NRXN1: variants seen among roughly 807,000 people sequenced by gnomAD.
NRXN1 encodes the protein neurexin 1.
NRXN1 carries 39 observed loss-of-function variants against 150.9 expected under a neutral mutation model. The ratio of observed to expected loss-of-function variants is 0.26; its 90% CI spans 0.20 to 0.34. NRXN1 has a LOEUF of 0.34. NRXN1 is among the 10% of genes least tolerant of loss of function. The pLI, the probability that NRXN1 is intolerant of heterozygous loss-of-function variation, is 1.00. For missense variants in NRXN1, 1,815 were observed against 1,949.9 expected (o/e 0.93, Z 1.30); for synonymous variants, 924 against 757.0 (o/e 1.22, Z -3.62).
chr2:50,557,160 G>C lies in NRXN1; in HGVS notation c.1321-4135C>G, dbSNP rs1213284751. On this transcript the variant is annotated intron_variant, in intron 8 of 22. Transcript: ENST00000401669. ...AGATGGTGCTAAAGCACTGGTAGCT[G>C]ATAGATAAGGCTCTTTCAACAGAGC... Among the ~76,000 whole-genome samples the C allele has an allele frequency of 2.0e-5, 3 of 152,164 alleles. No homozygotes were observed. In the East Asian group the frequency reaches 5.8e-4, roughly 29 times the overall value.
chr2:50,053,149 A>G (rs773944731), intron 21 of NRXN1, 122 bp downstream of exon 21: 2 of 943,266 alleles, frequency 2.1e-6, no homozygotes, highest in Non-Finnish European at 3.4e-6. Flanking sequence ...GCTAGTTTCA[A>G]AGGAAGCTGT....
chr2:50,026,194 A>G (rs1299025954), intron 21 of NRXN1, among the ~76,000 whole-genome samples: 1 of 152,172 alleles, frequency 6.6e-6, no homozygotes. Context: ...ACAAGAGTAG[A>G]AAAAATCCAC....
intron 2 of NRXN1, among the ~76,000 whole-genome samples, chr2:51,023,901 A>G (rs531036400): frequency 1.3e-5 from 2 of 152,330 alleles, no homozygotes; most frequent in African/African-American, 4.8e-5. Flanking sequence ...ACATTAAACA[A>G]TCAGGAAGCA....
In NRXN1 at chr2:50,439,865, A is replaced by T. The variant is rs546488198; in HGVS notation, c.3364+25577T>A. On this transcript the variant is annotated intron_variant, in intron 17 of 22. Coordinates refer to ENST00000401669, the MANE Select transcript of NRXN1 (RefSeq NM_001330078.2). ...GATTACTGAAAGGTCATTATGTGCT[A>T]GGCCTTTTCCATAATAGATTTATCT... 2.9e-4 allele frequency among the ~76,000 whole-genome samples: 44 copies of T among 152,126 alleles called. 1 individual carries two copies. The South Asian group carries it at 8.9e-3, about 31-fold the overall frequency.
At chr2:50,838,483 T>C (rs1672404880) in intron 5 of NRXN1, among the ~76,000 whole-genome samples, 1 of 152,108 alleles carries the variant, frequency 6.6e-6, no homozygotes, top group African/African-American at 2.4e-5. Flanking sequence ...TCAGAGAGTA[T>C]GCTATAAGCC....
chr2:50,764,681 T>G (rs1053260426), intron 5 of NRXN1, among the ~76,000 whole-genome samples: 1 of 151,946 alleles, frequency 6.6e-6, no homozygotes, highest in Non-Finnish European at 1.5e-5. Context: ...AGAGCACACG[T>G]GCACAGACAG....
intron 17 of NRXN1, among the ~76,000 whole-genome samples, chr2:50,418,993 C>T (rs2083764177): frequency 6.6e-6 from 1 of 151,906 alleles, no homozygotes; most frequent in East Asian, 1.9e-4. Context: ...AAATCTTTGA[C>T]TCTCCTTTGA....
intron 5 of NRXN1, among the ~76,000 whole-genome samples, chr2:50,879,720 C>A (rs1679147828): frequency 6.6e-6 from 1 of 151,914 alleles, no homozygotes; most frequent in Non-Finnish European, 1.5e-5. Context: ...AATTAGAATT[C>A]TCTCTTTCCA....
chr2:50,502,844 C>G (rs564127541), intron 13 of NRXN1, among the ~76,000 whole-genome samples: 1 of 152,204 alleles, frequency 6.6e-6, no homozygotes, highest in Admixed American at 6.5e-5. Context: ...CATTTCTTAT[C>G]TCTGTCTGCT....
At chr2:50,318,469 C>T (rs139386423) in intron 17 of NRXN1, among the ~76,000 whole-genome samples, 48 of 152,002 alleles carry the variant, frequency 3.2e-4, no homozygotes, top group Admixed American at 1.7e-3. Flanking sequence ...TGTGCATGAT[C>T]CAGAGTCACA....
At chr2:50,460,748 G>C (rs1391175665) in intron 17 of NRXN1, among the ~76,000 whole-genome samples, 5 of 151,824 alleles carry the variant, frequency 3.3e-5, no homozygotes, top group Admixed American at 1.3e-4. Context: ...TTCACCTGAG[G>C]CAGGTCTGAC....
Position 51,017,159 on chromosome 2 carries a change from C to T in NRXN1, c.772+10343G>A, listed in dbSNP as rs192221502. On this transcript the variant is annotated intron_variant, in intron 2 of 22. Coordinates refer to ENST00000401669, the MANE Select transcript of NRXN1 (RefSeq NM_001330078.2). ...TAGGAGAAATACCTAATATAGATGA[C>T]GGATTGATAGGTGCAGCAAACCACC... Among the ~76,000 whole-genome samples the T allele has an allele frequency of 3.4e-3, 511 of 151,878 alleles. 3 individuals are homozygous for T. Among genetic ancestry groups the T allele is most frequent in the African/African-American group, 0.011 (469 of 41,454 alleles).
rs149289036 is a variant in NRXN1, at chr2:51,013,556, C to T, written c.772+13946G>A. On this transcript the variant is annotated intron_variant, in intron 2 of 22. Transcript: ENST00000401669. Reference sequence around the variant, plus strand: ...CTTGGGAGATTTGCACGTTAAAAGGCTTTCAGAAAAGTCCAATTATTTACA... The same window carrying T: ...CTTGGGAGATTTGCACGTTAAAAGGTTTTCAGAAAAGTCCAATTATTTACA... Among the ~76,000 whole-genome samples, 174 of 151,322 alleles carry T rather than the reference C, an allele frequency of 1.1e-3. 2 individuals are homozygous for T. The East Asian group carries it at 0.032, about 27-fold the overall frequency.
chr2:50,382,757 A>T (rs969876151), intron 17 of NRXN1, among the ~76,000 whole-genome samples: 1 of 152,140 alleles, frequency 6.6e-6, no homozygotes, highest in Non-Finnish European at 1.5e-5. Flanking sequence ...GGACGAGAAG[A>T]GATTAGCGAG....
chr2:50,807,086 A>C (rs1481351048), intron 5 of NRXN1, among the ~76,000 whole-genome samples: 1 of 152,172 alleles, frequency 6.6e-6, no homozygotes, highest in East Asian at 1.9e-4. Flanking sequence ...AGAGTGTTAT[A>C]GAAAAGCCAG....
intron 5 of NRXN1, among the ~76,000 whole-genome samples, chr2:50,735,585 A>G (rs187951303): frequency 3.9e-5 from 6 of 152,282 alleles, no homozygotes; most frequent in Middle Eastern, 6.8e-3. Context: ...CATTTTGGTA[A>G]AACTATTGTT....
chr2:49,974,339 G>C, intron 21 of NRXN1: 1 of 441,560 alleles, frequency 2.3e-6, no homozygotes, highest in Non-Finnish European at 4.4e-6. Flanking sequence ...AGTCTCAGCA[G>C]TCGTTGCTTT....
At chr2:50,795,826 ATT>A (rs777967601) in intron 5 of NRXN1, among the ~76,000 whole-genome samples, 2 of 150,902 alleles carry the variant, frequency 1.3e-5, no homozygotes, top group Non-Finnish European at 3.0e-5. Context: ...TTATTATACT[ATT>A]TGTTACATGC....
rs35158893 is a variant in NRXN1, at chr2:50,785,243, C to CTTTT, written c.832+136622_832+136625dup. ...CCCTCTAGAACTCTGAGAAAATACA[C>CTTTT]TTTTTTTTTTTTTTTTTTTTTTTGA... On this transcript the variant is annotated intron_variant, in intron 5 of 22. Coordinates refer to ENST00000401669, the MANE Select transcript of NRXN1 (RefSeq NM_001330078.2). 1.7e-3 allele frequency among the ~76,000 whole-genome samples: 184 copies of CTTTT among 106,086 alleles called. 1 individual carries two copies. The highest frequency in any genetic ancestry group is 3.0e-3 in the Non-Finnish European group (155 of 52,042). 69.6% of individuals were successfully genotyped at this position (106,086 alleles called of 152,430 possible). A position where few individuals can be genotyped will look rare whatever the true frequency, so the allele number is the denominator to read the frequency against.
Sources: allele counts gnomAD v4.1 joint callset (sites outside exome capture counted in the v4.1 genomes callset), GRCh38; gene constraint gnomAD v4.1.1; transcripts MANE v1.5; gene names NCBI Gene and HGNC (gene_info 2026-07-23, HGNC 2026-07-21).